The following COL21A1 variants were observed in gnomAD, a reference collection of about 807,000 sequenced individuals.
COL21A1 encodes collagen type XXI alpha 1 chain, also known as collagen alpha-1(XXI) chain.
COL21A1 carries 149 observed loss-of-function variants against 137.9 expected under a neutral mutation model. That is an observed-to-expected ratio of 1.08 (90% CI 0.95 to 1.24). COL21A1 has a LOEUF of 1.24. Among genes scored for constraint, COL21A1 ranks in the 50% most tolerant of loss-of-function variants. The pLI, the probability that COL21A1 is intolerant of heterozygous loss-of-function variation, is 0.00. For synonymous variants in COL21A1, 456 were observed against 391.5 expected, an observed-to-expected ratio of 1.16 and a Z score of -1.95; for missense variants, 1,167 against 1,158.4, an observed-to-expected ratio of 1.01 and a Z score of -0.11.
chr6:56,138,631 T>C (rs1026772844), intron 12 of COL21A1, among the ~76,000 whole-genome samples: 8 of 151,954 alleles, frequency 5.3e-5, no homozygotes, highest in African/African-American at 1.9e-4. Flanking sequence ...GAAGAAATAA[T>C]TGAAAAATAC....
chr6:56,067,341 G>T lies in COL21A1; in HGVS notation c.2092-11C>A. ...ATTTCCTTTGTCCCCCTACAAAAAG[G>T]CAGTTTGATCTGTATCATAATCTAG... On this transcript the variant is annotated splice_polypyrimidine_tract_variant and intron_variant, in intron 22 of 29. Transcript: ENST00000244728. 1 of 1,606,544 alleles carries T rather than the reference G, an allele frequency of 6.2e-7. No individual in the cohort carries two copies. Among genetic ancestry groups the T allele is most frequent in the Non-Finnish European group, 8.5e-7 (1 of 1,174,852 alleles).
At chr6:56,317,725 T>A (rs1764769572) in intron 1 of COL21A1, among the ~76,000 whole-genome samples, 1 of 152,096 alleles carries the variant, frequency 6.6e-6, no homozygotes, top group Admixed American at 6.6e-5. Flanking sequence ...CAGCTCAATT[T>A]CTCTAGTACT....
chr6:56,285,586 CAAG>C (rs1198054130), intron 1 of COL21A1, among the ~76,000 whole-genome samples: 2 of 151,974 alleles, frequency 1.3e-5, no homozygotes, highest in East Asian at 3.8e-4. Context: ...TTTGTTAGGA[CAAG>C]AAGAAGAAAA....
intron 6 of COL21A1, among the ~76,000 whole-genome samples, chr6:56,167,876 T>C (rs529897239): frequency 3.9e-5 from 6 of 152,250 alleles, no homozygotes; most frequent in African/African-American, 1.2e-4. Flanking sequence ...TTCCTAGAAA[T>C]GTAGAATTCT....
chr6:56,172,973 GA>G (rs920292283), intron 3 of COL21A1, among the ~76,000 whole-genome samples: 48 of 151,526 alleles, frequency 3.2e-4, no homozygotes, highest in Admixed American at 1.1e-3. Context: ...GACAGTAAAA[GA>G]AAAAAAGAGG....
chr6:56,114,509 G>C (rs371029847), intron 16 of COL21A1, among the ~76,000 whole-genome samples: 2 of 152,050 alleles, frequency 1.3e-5, no homozygotes, highest in African/African-American at 4.8e-5. Context: ...AAAAGTGGGC[G>C]AAGGACATGA....
At chr6:56,238,653 C>T (rs1782067810) in intron 1 of COL21A1, among the ~76,000 whole-genome samples, 1 of 152,100 alleles carries the variant, frequency 6.6e-6, no homozygotes, top group Non-Finnish European at 1.5e-5. Context: ...AGAGCTGCCA[C>T]TGCCCTGCCA....
At chr6:56,085,454 C>T (rs970790400) in intron 17 of COL21A1, among the ~76,000 whole-genome samples, 2 of 152,002 alleles carry the variant, frequency 1.3e-5, no homozygotes, top group African/African-American at 2.4e-5. Context: ...AATATAATTT[C>T]ATATTATCAT....
Position 56,307,528 on chromosome 6 carries a change from C to A in COL21A1, c.-39+86443G>T, listed in dbSNP as rs986370151. Among the ~76,000 whole-genome samples the A allele has an allele frequency of 3.9e-5, 6 of 152,324 alleles. No individual in the cohort carries two copies. The South Asian group carries it at 1.2e-3, about 32-fold the overall frequency. The stretch of plus-strand genomic sequence containing the variant: ...GGCGTAGGACCCTCCAAGCCAGGCA[C>A]GGGATATAATCTCCTGGTGTGCCAT... On this transcript the variant is annotated intron_variant, in intron 1 of 28. Transcript: ENST00000370819.
At chr6:56,323,573 A>G (rs1301363480) in intron 1 of COL21A1, among the ~76,000 whole-genome samples, 1 of 152,076 alleles carries the variant, frequency 6.6e-6, no homozygotes, top group African/African-American at 2.4e-5. Flanking sequence ...TATTTTTAGT[A>G]GAGACAGGGT....
At chr6:56,130,296 C>A (rs1018862471) in intron 12 of COL21A1, among the ~76,000 whole-genome samples, 7 of 148,036 alleles carry the variant, frequency 4.7e-5, no homozygotes, top group Middle Eastern at 3.5e-3. Context: ...ATATATTTCC[C>A]TTTTGCTTGG....
At chr6:56,221,092 C>G (rs1250503048) in intron 1 of COL21A1, among the ~76,000 whole-genome samples, 1 of 152,106 alleles carries the variant, frequency 6.6e-6, no homozygotes, top group Admixed American at 6.6e-5. Context: ...GCATTTGAAA[C>G]CACATTAACT....
At chr6:56,355,063 G>A (rs545412946) in intron 1 of COL21A1, among the ~76,000 whole-genome samples, 46 of 152,006 alleles carry the variant, frequency 3.0e-4, no homozygotes, top group Non-Finnish European at 4.4e-4. Flanking sequence ...GGGGGTTCTC[G>A]TTGTAGATTA....
chr6:56,166,681 T>A, intron 7 of COL21A1: 1 of 617,874 alleles, frequency 1.6e-6, no homozygotes, highest in Non-Finnish European at 2.9e-6. Flanking sequence ...CAAGAAAACA[T>A]TCCCTTGTGG....
chr6:56,105,585 G>T (rs1770816952), intron 16 of COL21A1, among the ~76,000 whole-genome samples: 1 of 152,124 alleles, frequency 6.6e-6, no homozygotes, highest in Non-Finnish European at 1.5e-5. Context: ...AACTAGGAGA[G>T]AATATTTGGG....
At chr6:56,152,985 C>A (rs115820324) in intron 10 of COL21A1, among the ~76,000 whole-genome samples, 1 of 151,828 alleles carries the variant, frequency 6.6e-6, no homozygotes, top group South Asian at 2.1e-4. Flanking sequence ...GTAATTAGGG[C>A]GAAACTCACA....
At chr6:56,138,163 C>T (rs533229195) in intron 12 of COL21A1, among the ~76,000 whole-genome samples, 2 of 151,772 alleles carry the variant, frequency 1.3e-5, no homozygotes, top group Admixed American at 1.3e-4. Flanking sequence ...TCTGAAAACC[C>T]GATTGTAACA....
intron 9 of COL21A1, among the ~76,000 whole-genome samples, chr6:56,159,395 T>A (rs965818453): frequency 2.5e-4 from 38 of 149,364 alleles, no homozygotes; most frequent in African/African-American, 8.9e-4. Flanking sequence ...TGCAATAGCA[T>A]GATCCTGGCT....
intron 1 of COL21A1, among the ~76,000 whole-genome samples, chr6:56,321,640 C>T (rs574823495): frequency 6.6e-6 from 1 of 152,292 alleles, no homozygotes; most frequent in African/African-American, 2.4e-5. Context: ...ATCAACAACA[C>T]ATTCGGCCCA....
Sources: gnomAD v4.1 joint callset for allele counts (sites outside exome capture counted in the v4.1 genomes callset) on GRCh38, gnomAD v4.1.1 for gene constraint, MANE v1.5 for transcripts, NCBI Gene and HGNC (gene_info 2026-07-23, HGNC 2026-07-21) for gene names.